The following MCM9 variants were observed in gnomAD, a reference collection of about 807,000 sequenced individuals.
MCM9 encodes the protein DNA helicase MCM9.
Under a neutral mutation model 72.8 loss-of-function variants are expected in MCM9, and 55 were observed. The observed-to-expected ratio is 0.76, with a 90% CI of 0.61 to 0.95. The LOEUF (loss-of-function observed/expected upper bound fraction) is 0.95. Ranked by LOEUF, MCM9 falls within the 40% of genes least tolerant of loss-of-function variation. The pLI is 0.00. For synonymous variants in MCM9, 480 were observed against 503.4 expected, an observed-to-expected ratio of 0.95 and a Z score of 0.62; for missense variants, 1,279 against 1,377.0, an observed-to-expected ratio of 0.93 and a Z score of 1.13.
At chr6:118,899,306 T>TA (rs1779647684) in intron 8 of MCM9, among the ~76,000 whole-genome samples, 1 of 152,230 alleles carries the variant, frequency 6.6e-6, no homozygotes, top group Non-Finnish European at 1.5e-5. Flanking sequence ...AGAGTCCTTA[T>TA]GATGGCCTTC....
intron 8 of MCM9, among the ~76,000 whole-genome samples, chr6:118,858,388 T>C (rs531291643): frequency 0.066 from 10,009 of 152,168 alleles, 458 homozygotes; most frequent in East Asian, 0.19. Flanking sequence ...TTTACAATAA[T>C]CCTATATTTA....
At chr6:118,903,772 A>C (rs1274053663) in intron 8 of MCM9, among the ~76,000 whole-genome samples, 1 of 152,202 alleles carries the variant, frequency 6.6e-6, no homozygotes, top group Non-Finnish European at 1.5e-5. Flanking sequence ...GTTTTTGTAG[A>C]GATGGGGTTT....
chr6:118,838,498 G>A (rs1245392662), intron 9 of MCM9, among the ~76,000 whole-genome samples: 1 of 150,968 alleles, frequency 6.6e-6, no homozygotes, highest in African/African-American at 2.4e-5. Context: ...CACCATGTTA[G>A]CTAGGATGGT....
chr6:118,847,531 C>A (rs1775954483), intron 9 of MCM9, among the ~76,000 whole-genome samples: 1 of 148,990 alleles, frequency 6.7e-6, no homozygotes, highest in South Asian at 2.1e-4. Flanking sequence ...TAAAAATAGC[C>A]AAGAGAATAA....
At chr6:118,875,115 AAAAC>A (rs1022717954) in intron 8 of MCM9, among the ~76,000 whole-genome samples, 9 of 152,320 alleles carry the variant, frequency 5.9e-5, no homozygotes, top group South Asian at 2.1e-4. Flanking sequence ...CTCCGTTTCA[AAAAC>A]AAACAAACAA....
At chr6:118,870,315 T>C (rs1255258813) in intron 8 of MCM9, among the ~76,000 whole-genome samples, 1 of 152,132 alleles carries the variant, frequency 6.6e-6, no homozygotes, top group Non-Finnish European at 1.5e-5. Flanking sequence ...CCAACCACAA[T>C]GATATGAAAC....
At chr6:118,928,267 C>T (rs1336777170) in intron 3 of MCM9, among the ~76,000 whole-genome samples, 2 of 152,104 alleles carry the variant, frequency 1.3e-5, no homozygotes, top group South Asian at 4.2e-4. Flanking sequence ...AAAAATTAGC[C>T]GGGTGTGGTG....
chr6:118,873,716 G>C (rs573158100), intron 8 of MCM9, among the ~76,000 whole-genome samples: 4 of 152,298 alleles, frequency 2.6e-5, no homozygotes, highest in African/African-American at 9.6e-5. Flanking sequence ...GAAATGACAT[G>C]AATTCTCTAC....
chr6:118,902,759 G>A (rs1026196082), intron 8 of MCM9, among the ~76,000 whole-genome samples: 2 of 152,262 alleles, frequency 1.3e-5, no homozygotes, highest in African/African-American at 4.8e-5. Context: ...GAGGTACAAT[G>A]TATATTCAGC....
chr6:118,833,851 T>C (rs1320096100), intron 9 of MCM9, among the ~76,000 whole-genome samples: 1 of 152,248 alleles, frequency 6.6e-6, no homozygotes, highest in East Asian at 1.9e-4. Flanking sequence ...GTCCTGGTGA[T>C]TGCTTGTACA....
In MCM9 at chr6:118,824,242, T is replaced by C. The variant is rs139446650; in HGVS notation, c.1961+1905A>G. Among the ~76,000 whole-genome samples the C allele has an allele frequency of 3.7e-3, 558 of 152,182 alleles. 1 individual carries two copies. The highest frequency in any genetic ancestry group is 6.6e-3 in the Non-Finnish European group (446 of 67,990). ...CTACTACCTAGCATACTTTTCAGCA[T>C]CAAATTGAGGTCAGGGATACTGATA... is the stretch of plus-strand genomic sequence containing the variant. On this transcript the variant is annotated intron_variant, in intron 13 of 13. Transcript: ENST00000619706.
intron 5 of MCM9, 68 bp downstream of exon 5, chr6:118,921,937 A>G (rs67182660): frequency 0.16 from 190,457 of 1,165,768 alleles, 17,479 homozygotes; most frequent in African/African-American, 0.29. Flanking sequence ...GAAAATAAAA[A>G]GTGGCTTTTC....
rs1235221212 is a variant in MCM9 at position 118,815,183 on chromosome 6, C to T, written c.3073G>A (p.Glu1025Lys). 2 of 1,550,424 alleles carry T rather than the reference C, an allele frequency of 1.3e-6. No individual in the cohort carries two copies. The highest frequency in any genetic ancestry group is 2.4e-5 in the East Asian group (1 of 40,916). The change falls in exon 14 of 14, where the codon GAG becomes AAG. Residue 1025 changes from glutamate (E) to lysine (K), a missense_variant. Coordinates refer to ENST00000619706, the MANE Select transcript of MCM9 (RefSeq NM_017696.3). The part of the protein sequence containing the change: ...IIQPELELGN[E>K]TGCAHLTCEG... Reference sequence around the variant, plus strand: ...CAAGTAAGATGAGCACACCCAGTCTCGTTCCCAAGCTCTAATTCAGGCTGA... The same window carrying T: ...CAAGTAAGATGAGCACACCCAGTCTTGTTCCCAAGCTCTAATTCAGGCTGA...
intron 3 of MCM9, among the ~76,000 whole-genome samples, 176 bp from the exon 4 acceptor site, chr6:118,924,303 T>C (rs575491928): frequency 4.1e-4 from 63 of 152,288 alleles, no homozygotes; most frequent in Non-Finnish European, 6.9e-4. Flanking sequence ...TAAAGAATTA[T>C]TGCAAATAAC....
chr6:118,918,000 C>A (rs1781102002), intron 5 of MCM9: 1 of 534,146 alleles, frequency 1.9e-6, no homozygotes. Flanking sequence ...TTTTTCATAA[C>A]CTGCTACATG....
chr6:118,815,193 C>T lies in MCM9; in HGVS notation c.3063G>A (p.Glu1021=), dbSNP rs1381022348. 2 of 1,550,482 alleles carry T rather than the reference C, an allele frequency of 1.3e-6. No homozygotes were observed. Among genetic ancestry groups the T allele is most frequent in the Admixed American group, 2.0e-5 (1 of 50,970 alleles). Residue 1021 remains glutamate (E), a synonymous_variant, in exon 14 of 14, where the codon GAG becomes GAA. Coordinates refer to ENST00000619706, the MANE Select transcript of MCM9 (RefSeq NM_017696.3). ...GAGCACACCCAGTCTCGTTCCCAAG[C>T]TCTAATTCAGGCTGAATAATCCTCT... ...PEKRIIQPEL[E]LGNETGCAHL...
At chr6:118,912,554 A>G (rs1423110835) in intron 7 of MCM9, 1 of 152,242 alleles carries the variant, frequency 6.6e-6, no homozygotes, top group Non-Finnish European at 1.5e-5. Flanking sequence ...CTTGCAAAAC[A>G]GTAGGTGATC....
At chr6:118,869,312 T>C (rs1006041138) in intron 8 of MCM9, among the ~76,000 whole-genome samples, 2 of 151,968 alleles carry the variant, frequency 1.3e-5, no homozygotes, top group African/African-American at 4.8e-5. Context: ...CCAATGTAAA[T>C]GATGAGTTGA....
intron 8 of MCM9, among the ~76,000 whole-genome samples, chr6:118,891,157 G>T (rs1244446854): frequency 1.3e-5 from 2 of 152,114 alleles, no homozygotes; most frequent in Non-Finnish European, 2.9e-5. Context: ...GCTGCATCTT[G>T]TGTCTTCAGA....
Sources: gnomAD v4.1 joint callset for allele counts (sites outside exome capture counted in the v4.1 genomes callset) on GRCh38, gnomAD v4.1.1 for gene constraint, MANE v1.5 for transcripts, NCBI Gene and HGNC (gene_info 2026-07-23, HGNC 2026-07-21) for gene names.